SHISA9: variants seen among roughly 807,000 people sequenced by gnomAD.
The protein encoded by SHISA9 is protein shisa-9.
SHISA9 carries 13 observed loss-of-function variants against 38.0 expected under a neutral mutation model. The ratio of observed to expected loss-of-function variants is 0.34; its 90% CI spans 0.22 to 0.54. SHISA9 has a LOEUF of 0.54. Ranked by LOEUF, SHISA9 falls within the 20% of genes least tolerant of loss-of-function variation. The pLI, the probability that SHISA9 is intolerant of heterozygous loss-of-function variation, is 0.91. For missense variants in SHISA9, 538 were observed against 575.8 expected (o/e 0.93, Z 0.67); for synonymous variants, 275 against 242.0 (o/e 1.14, Z -1.27).
At chr16:13,260,677 C>G in the SHISA9 span, among the ~76,000 whole-genome samples, 1 of 152,186 alleles carries the variant, frequency 6.6e-6, no homozygotes, top group African/African-American at 2.4e-5. Flanking sequence ...AAGTTCCAAA[C>G]TCTCCCACAT....
intron 2 of SHISA9, among the ~76,000 whole-genome samples, chr16:13,051,684 C>CT (rs1254971249): frequency 2.0e-5 from 3 of 152,104 alleles, no homozygotes; most frequent in Non-Finnish European, 4.4e-5. Context: ...GCCCATATTT[C>CT]CAGAGTTTCA....
At chr16:13,082,853 C>G (rs2073668331) in intron 2 of SHISA9, among the ~76,000 whole-genome samples, 1 of 152,324 alleles carries the variant, frequency 6.6e-6, no homozygotes, top group South Asian at 2.1e-4. Context: ...GAAAGTTCAT[C>G]CCATCCAGAG....
At chr16:13,327,017 G>T in the SHISA9 span, among the ~76,000 whole-genome samples, 2 of 152,282 alleles carry the variant, frequency 1.3e-5, no homozygotes, top group Non-Finnish European at 2.9e-5. Flanking sequence ...CGTCAATAAT[G>T]TACACAGTTT....
intron 2 of SHISA9, among the ~76,000 whole-genome samples, chr16:13,100,791 T>C (rs1196192571): frequency 2.0e-5 from 3 of 152,214 alleles, no homozygotes; most frequent in African/African-American, 4.8e-5. Flanking sequence ...CACTGCAACC[T>C]CTGCCTCTCC....
the SHISA9 span, among the ~76,000 whole-genome samples, chr16:13,522,745 C>G: frequency 6.6e-6 from 1 of 152,144 alleles, no homozygotes; most frequent in Non-Finnish European, 1.5e-5. Flanking sequence ...TTCCCTGATG[C>G]TAATAACCCA....
intron 2 of SHISA9, among the ~76,000 whole-genome samples, chr16:12,932,755 T>C (rs2141745216): frequency 6.6e-6 from 1 of 152,292 alleles, no homozygotes; most frequent in Admixed American, 6.5e-5. Context: ...GTTTCTTCCA[T>C]CCAGAGTAGG....
At chr16:13,557,509 T>C in the SHISA9 span, among the ~76,000 whole-genome samples, 747 of 152,216 alleles carry the variant, frequency 4.9e-3, 9 homozygotes, top group African/African-American at 0.017. Context: ...GCAAGATTAA[T>C]TTGGGGGCGA....
At chr16:13,231,323 C>T (rs1401089419) in intron 4 of SHISA9, among the ~76,000 whole-genome samples, 1 of 152,166 alleles carries the variant, frequency 6.6e-6, no homozygotes, top group South Asian at 2.1e-4. Context: ...GCTGTTGAAT[C>T]CAGGAGGTAA....
At chr16:13,314,661 C>T in the SHISA9 span, among the ~76,000 whole-genome samples, 1 of 152,038 alleles carries the variant, frequency 6.6e-6, no homozygotes, top group African/African-American at 2.4e-5. Flanking sequence ...GTGAACCCAT[C>T]GCCACAATCA....
At chr16:13,399,910 T>C in the SHISA9 span, among the ~76,000 whole-genome samples, 3 of 152,208 alleles carry the variant, frequency 2.0e-5, no homozygotes, top group African/African-American at 7.2e-5. Flanking sequence ...GAACAGTAAA[T>C]GCTCAGTCCA....
chr16:13,188,474 T>G (rs1381968223), intron 2 of SHISA9, among the ~76,000 whole-genome samples: 2 of 152,044 alleles, frequency 1.3e-5, no homozygotes, highest in Non-Finnish European at 2.9e-5. Flanking sequence ...TCCCAGCACT[T>G]TCAGAGGCCA....
At chr16:13,441,711 T>C in the SHISA9 span, among the ~76,000 whole-genome samples, 1 of 152,154 alleles carries the variant, frequency 6.6e-6, no homozygotes, top group African/African-American at 2.4e-5. Context: ...GAACCCTATG[T>C]CTCATTCACT....
chr16:13,095,235 C>T (rs56670236), intron 2 of SHISA9, among the ~76,000 whole-genome samples: 3,571 of 152,298 alleles, frequency 0.023, 143 homozygotes, highest in African/African-American at 0.081. Flanking sequence ...CTTTTCATTC[C>T]TGTCTCTGCT....
chr16:13,147,680 C>T (rs2142001551), intron 2 of SHISA9, among the ~76,000 whole-genome samples: 1 of 152,258 alleles, frequency 6.6e-6, no homozygotes, highest in South Asian at 2.1e-4. Flanking sequence ...CCAGGCTGGT[C>T]TCGAACTCTG....
chr16:13,083,919 G>A (rs2073682391), intron 2 of SHISA9, among the ~76,000 whole-genome samples: 1 of 152,146 alleles, frequency 6.6e-6, no homozygotes, highest in Non-Finnish European at 1.5e-5. Flanking sequence ...GATACAATCT[G>A]GTTTCAAAGC....
intron 2 of SHISA9, among the ~76,000 whole-genome samples, chr16:13,031,453 C>T (rs913625654): frequency 2.6e-5 from 4 of 152,124 alleles, no homozygotes; most frequent in Non-Finnish European, 5.9e-5. Flanking sequence ...GATACAGGCA[C>T]CAACCAGTAA....
chr16:13,226,232 G>C (rs2051278071), intron 4 of SHISA9, among the ~76,000 whole-genome samples: 1 of 152,150 alleles, frequency 6.6e-6, no homozygotes, highest in South Asian at 2.1e-4. Context: ...CATGAAAACT[G>C]CACTTCCAGG....
At chr16:13,469,320 G>GAGAA in the SHISA9 span, among the ~76,000 whole-genome samples, 2,238 of 61,100 alleles carry the variant, frequency 0.037, 205 homozygotes, top group Middle Eastern at 0.041. Context: ...GAGAGAGAGA[G>GAGAA]AGAAAGAAAG....
chr16:12,972,179 C>A (rs187552140), intron 2 of SHISA9, among the ~76,000 whole-genome samples: 1 of 151,878 alleles, frequency 6.6e-6, no homozygotes, highest in African/African-American at 2.4e-5. Context: ...TGGTTGTAAG[C>A]ACTCACATTT....
Sources: allele counts gnomAD v4.1 joint callset (sites outside exome capture counted in the v4.1 genomes callset), GRCh38; gene constraint gnomAD v4.1.1; transcripts MANE v1.5; gene names NCBI Gene and HGNC (gene_info 2026-07-23, HGNC 2026-07-21).